Variants in CAMTA1 observed in about 807,000 individuals in gnomAD.
CAMTA1 encodes the protein calmodulin-binding transcription activator 1.
Under a neutral mutation model 170.9 loss-of-function variants are expected in CAMTA1, and 27 were observed. The ratio of observed to expected loss-of-function variants is 0.16; its 90% CI spans 0.12 to 0.22. The LOEUF (loss-of-function observed/expected upper bound fraction) is 0.22. CAMTA1 is among the 10% of genes least tolerant of loss of function. The probability of loss-of-function intolerance (pLI) is 1.00; values close to 1 mark genes in which losing one functional copy is unlikely to be tolerated. For missense variants in CAMTA1, 1,619 were observed against 2,217.2 expected (o/e 0.73, Z 5.42); for synonymous variants, 833 against 891.5 (o/e 0.93, Z 1.17).
intron 3 of CAMTA1, among the ~76,000 whole-genome samples, chr1:7,026,074 T>C (rs1236215556): frequency 6.6e-6 from 1 of 151,340 alleles, no homozygotes; most frequent in Non-Finnish European, 1.5e-5. Flanking sequence ...GAGTTGTGAT[T>C]GTACCACTGC....
chr1:7,166,249 G>A (rs2148797491), intron 4 of CAMTA1, among the ~76,000 whole-genome samples: 1 of 152,118 alleles, frequency 6.6e-6, no homozygotes, highest in East Asian at 1.9e-4. Context: ...TGTATTTTTA[G>A]TAGAGACAGG....
Position 6,887,729 on chromosome 1 carries a change from A to T in CAMTA1, c.234+62519A>T. The T allele has an allele frequency of 6.5e-7, 1 of 1,535,260 alleles. No homozygotes were observed. Among genetic ancestry groups the T allele is most frequent in the Non-Finnish European group, 8.7e-7 (1 of 1,146,582 alleles). ...GAGCTGGAGCCATGAGGGCTGACAC[A>T]TTGGAATGAAAGCTGGCAGAATTCG... On this transcript the variant is annotated intron_variant, in intron 3 of 22. Coordinates refer to ENST00000303635, the MANE Select transcript of CAMTA1 (RefSeq NM_015215.4). The surrounding 1 kb of genome is among the most constrained non-coding windows in gnomAD (Gnocchi z 4.1).
At chr1:7,104,954 G>A (rs1253530903) in intron 4 of CAMTA1, among the ~76,000 whole-genome samples, 1 of 152,166 alleles carries the variant, frequency 6.6e-6, no homozygotes, top group Non-Finnish European at 1.5e-5. Flanking sequence ...CACTTTATGA[G>A]TAAGTGATTT....
chr1:7,548,681 G>A (rs12758883), intron 6 of CAMTA1, among the ~76,000 whole-genome samples: 1 of 89,442 alleles, frequency 1.1e-5, no homozygotes, highest in Admixed American at 1.1e-4. Context: ...GATGCCCATG[G>A]AAGGTGCCCC....
chr1:6,874,757 T>G (rs1332846487), intron 3 of CAMTA1, among the ~76,000 whole-genome samples: 1 of 152,194 alleles, frequency 6.6e-6, no homozygotes, highest in East Asian at 1.9e-4. Flanking sequence ...TTTTAACTGT[T>G]TTTGGCTATG....
intron 5 of CAMTA1, among the ~76,000 whole-genome samples, chr1:7,406,155 T>C (rs1467675412): frequency 2.0e-5 from 3 of 152,230 alleles, no homozygotes; most frequent in African/African-American, 7.2e-5. Context: ...AGTCTCCAGA[T>C]TGCTTTGGCT....
chr1:6,786,384 C>G (rs1639368184), intron 1 of CAMTA1, among the ~76,000 whole-genome samples: 1 of 152,044 alleles, frequency 6.6e-6, no homozygotes, highest in Non-Finnish European at 1.5e-5. Flanking sequence ...TGAGGATCTC[C>G]ACACTCCCTT....
At chr1:7,594,197 G>GA (rs1557972825) in intron 6 of CAMTA1, among the ~76,000 whole-genome samples, 1 of 138,930 alleles carries the variant, frequency 7.2e-6, no homozygotes, top group African/African-American at 2.7e-5. Flanking sequence ...AGAAAGGAGG[G>GA]AGGGGAAGGA....
rs1692549904 is a variant in CAMTA1, at chr1:6,971,619, ACT to A, written c.235-119682_235-119681del. ...GCCTTTTATTAAAAGGCATTTAATG[ACT>A]CTGAATTCCTTGTTGTGTTAGAGCT... On this transcript the variant is annotated intron_variant, in intron 3 of 22. Transcript: ENST00000303635. This position sits in a 1 kb window ranked among gnomAD's most constrained non-coding sequence, Gnocchi z 4.6. Among the ~76,000 whole-genome samples, 1 of 151,960 alleles carries A rather than the reference ACT, an allele frequency of 6.6e-6. No homozygotes were observed. The highest frequency in any genetic ancestry group is 2.1e-4 in the South Asian group (1 of 4,822).
At position 7,685,067 on chromosome 1, in the gene CAMTA1, G is replaced by A. The variant is rs1389895163; in HGVS notation, c.2914+7334G>A. ...ATGTTTTGAGGAGTTCGCAGGCACC[G>A]TCCCGTGGTCACAGGTGGCGTGTTT... is the stretch of plus-strand genomic sequence containing the variant. On this transcript the variant is annotated intron_variant, in intron 11 of 22. Transcript: ENST00000303635. The surrounding 1 kb of genome is among the most constrained non-coding windows in gnomAD (Gnocchi z 5.7). Among the ~76,000 whole-genome samples, 8 of 151,998 alleles carry A rather than the reference G, an allele frequency of 5.3e-5. No individual in the cohort carries two copies. The highest frequency in any genetic ancestry group is 1.9e-4 in the African/African-American group (8 of 41,392).
At chr1:7,202,493 G>A (rs1656894739) in intron 4 of CAMTA1, among the ~76,000 whole-genome samples, 2 of 152,124 alleles carry the variant, frequency 1.3e-5, no homozygotes, top group Non-Finnish European at 1.5e-5. Flanking sequence ...ATATCTTAAC[G>A]ATGTTAAGTT....
chr1:7,016,313 C>T (rs762262668), intron 3 of CAMTA1, among the ~76,000 whole-genome samples: 8 of 152,122 alleles, frequency 5.3e-5, no homozygotes, highest in Non-Finnish European at 1.2e-4. Context: ...TGAATTTTGC[C>T]TCATTGTGTG....
chr1:7,125,301 TTCAC>T (rs1159807750), intron 4 of CAMTA1, among the ~76,000 whole-genome samples: 1 of 152,144 alleles, frequency 6.6e-6, no homozygotes, highest in South Asian at 2.1e-4. Context: ...CATTCATTCA[TTCAC>T]TCACTCCCTC....
intron 5 of CAMTA1, among the ~76,000 whole-genome samples, chr1:7,409,937 CAGG>C (rs1343195438): frequency 6.6e-6 from 1 of 151,888 alleles, no homozygotes; most frequent in African/African-American, 2.4e-5. Context: ...TGGCCAAGAA[CAGG>C]AGGTCAGGAG....
chr1:6,913,074 C>G (rs1680059045), intron 3 of CAMTA1, among the ~76,000 whole-genome samples: 1 of 152,252 alleles, frequency 6.6e-6, no homozygotes, highest in African/African-American at 2.4e-5. Context: ...GATCTGTGCT[C>G]AGGTTCCTCC....
chr1:6,918,934 C>T lies in CAMTA1; in HGVS notation c.234+93724C>T, dbSNP rs1388235181. On this transcript the variant is annotated intron_variant, in intron 3 of 22. Transcript: ENST00000303635. The surrounding 1 kb of genome is among the most constrained non-coding windows in gnomAD (Gnocchi z 4.0). ...GCCGCTCCAAAGGCACCACAGGCCA[C>T]AGAGAAAGGAGAGGCGACCCTGCAA... Among the ~76,000 whole-genome samples, 4 of 152,184 alleles carry T rather than the reference C, an allele frequency of 2.6e-5. No individual in the cohort carries two copies. Among genetic ancestry groups the T allele is most frequent in the African/African-American group, 9.7e-5 (4 of 41,436 alleles).
intron 6 of CAMTA1, among the ~76,000 whole-genome samples, chr1:7,516,353 C>A (rs2094286010): frequency 6.6e-6 from 1 of 152,208 alleles, no homozygotes; most frequent in African/African-American, 2.4e-5. Flanking sequence ...TGTCCCGAAG[C>A]CTCCTGTTGG....
intron 5 of CAMTA1, among the ~76,000 whole-genome samples, chr1:7,318,421 G>A (rs553342454): frequency 2.1e-4 from 32 of 152,314 alleles, no homozygotes; most frequent in African/African-American, 6.5e-4. Flanking sequence ...AATGGGAGGC[G>A]AAGGCCAGTG....
Position 7,745,829 on chromosome 1 carries a change from T to C in CAMTA1, c.4371-16T>C, listed in dbSNP as rs756662265. 6 of 1,613,590 alleles carry C rather than the reference T, an allele frequency of 3.7e-6. No individual in the cohort carries two copies. ...CAATCATTAATCTGTCTCTCCTTTTTCTCCTCTTGTTTCAGAAGTGCATAT... is the reference window on the plus strand; with the variant it reads ...CAATCATTAATCTGTCTCTCCTTTTCCTCCTCTTGTTTCAGAAGTGCATAT... On this transcript the variant is annotated splice_polypyrimidine_tract_variant and intron_variant, in intron 17 of 22. Coordinates refer to ENST00000303635, the MANE Select transcript of CAMTA1 (RefSeq NM_015215.4).
Sources: gnomAD v4.1 joint callset for allele counts (sites outside exome capture counted in the v4.1 genomes callset) on GRCh38, gnomAD v4.1.1 for gene constraint, Gnocchi (gnomAD v3.1) non-coding constraint, MANE v1.5 for transcripts, NCBI Gene and HGNC (gene_info 2026-07-23, HGNC 2026-07-21) for gene names.